The following PHACTR1 variants were observed in gnomAD, a reference collection of about 807,000 sequenced individuals.
The protein encoded by PHACTR1 is phosphatase and actin regulator 1.
Under a neutral mutation model 69.2 loss-of-function variants are expected in PHACTR1, and 16 were observed. That is an observed-to-expected ratio of 0.23 (90% CI 0.16 to 0.35). The LOEUF is 0.35. Ranked by LOEUF, PHACTR1 falls within the 10% of genes least tolerant of loss-of-function variation. The pLI is 1.00. For missense variants in PHACTR1, 510 were observed against 734.7 expected (o/e 0.69, Z 3.54); for synonymous variants, 312 against 284.5 (o/e 1.10, Z -0.97).
chr6:13,055,423 CAG>C, intron 5 of PHACTR1, among the ~76,000 whole-genome samples: 1 of 152,014 alleles, frequency 6.6e-6, no homozygotes, highest in South Asian at 2.1e-4. Flanking sequence ...GTCATTGTCT[CAG>C]AGAGAAGAAA....
chr6:12,882,422 A>G (rs1432050136), intron 4 of PHACTR1, among the ~76,000 whole-genome samples: 1 of 152,186 alleles, frequency 6.6e-6, no homozygotes, highest in Admixed American at 6.5e-5. Context: ...GTGGCAATTT[A>G]TCTCATTACC....
intron 3 of PHACTR1, among the ~76,000 whole-genome samples, chr6:12,744,309 C>T (rs1358265816): frequency 1.3e-5 from 2 of 152,188 alleles, no homozygotes; most frequent in African/African-American, 4.8e-5. Context: ...AAAGCAGATT[C>T]TCATTGCACT....
intron 10 of PHACTR1, among the ~76,000 whole-genome samples, chr6:13,252,337 A>C (rs1401874354): frequency 1.3e-5 from 2 of 151,600 alleles, no homozygotes; most frequent in Non-Finnish European, 2.9e-5. Flanking sequence ...CAAAAAAAAA[A>C]AAAAAAGAAA....
intron 4 of PHACTR1, among the ~76,000 whole-genome samples, chr6:13,022,590 A>G (rs1801126444): frequency 6.6e-6 from 1 of 152,118 alleles, no homozygotes; most frequent in Admixed American, 6.5e-5. Context: ...TCAAGTTACA[A>G]CTGCAGACTT....
chr6:12,809,652 A>C (rs1398510652), intron 4 of PHACTR1, among the ~76,000 whole-genome samples: 1 of 152,158 alleles, frequency 6.6e-6, no homozygotes, highest in Non-Finnish European at 1.5e-5. Context: ...ACTTCTAGGG[A>C]ATATTATGCC....
intron 4 of PHACTR1, among the ~76,000 whole-genome samples, chr6:12,793,637 G>A (rs1045012974): frequency 2.4e-4 from 37 of 152,162 alleles, no homozygotes; most frequent in African/African-American, 7.5e-4. Flanking sequence ...AAAAGTTAGT[G>A]GTAGAATTTA....
chr6:13,089,453 A>G (rs73368196), intron 5 of PHACTR1, among the ~76,000 whole-genome samples: 19,381 of 152,072 alleles, frequency 0.13, 4,081 homozygotes, highest in African/African-American at 0.44. Flanking sequence ...CTTGGGTCTC[A>G]GTGTGCAGCC....
chr6:12,726,215 G>A (rs968688701), intron 3 of PHACTR1, among the ~76,000 whole-genome samples: 1 of 152,138 alleles, frequency 6.6e-6, no homozygotes. Flanking sequence ...TAGACTTCCA[G>A]GGATCCCTGA....
rs140440813 is a variant in PHACTR1 at position 13,121,758 on chromosome 6, C to G, written c.416-38446C>G. ...CAGGAAGACACATCGATGTCTCTTT[C>G]AATCTAGACAGGGCCTCGCCCAGGG... On this transcript the variant is annotated intron_variant, in intron 5 of 14. Transcript: ENST00000332995. 3.5e-3 allele frequency among the ~76,000 whole-genome samples: 539 copies of G among 152,286 alleles called. 2 individuals carry two copies. Among genetic ancestry groups the G allele is most frequent in the South Asian group, 1.0e-2 (48 of 4,824 alleles).
chr6:13,119,734 A>G (rs1818418250), intron 5 of PHACTR1, among the ~76,000 whole-genome samples: 2 of 152,184 alleles, frequency 1.3e-5, no homozygotes, highest in Admixed American at 6.5e-5. Context: ...CTAAAGCTTT[A>G]GCACCTGGGG....
intron 4 of PHACTR1, among the ~76,000 whole-genome samples, chr6:12,970,640 C>T (rs1794087531): frequency 6.6e-6 from 1 of 152,144 alleles, no homozygotes; most frequent in Non-Finnish European, 1.5e-5. Flanking sequence ...CCTGTAGTCC[C>T]AGCTACTCAG....
intron 6 of PHACTR1, among the ~76,000 whole-genome samples, chr6:13,164,773 T>A (rs1225622840): frequency 6.6e-6 from 1 of 152,214 alleles, no homozygotes. Flanking sequence ...CTCTGACAGT[T>A]CTCAAAATTC....
intron 3 of PHACTR1, among the ~76,000 whole-genome samples, chr6:12,745,289 C>A (rs1765632514): frequency 6.6e-6 from 1 of 152,054 alleles, no homozygotes; most frequent in Non-Finnish European, 1.5e-5. Context: ...GGCTGTAGTT[C>A]TGGATATAAC....
At chr6:12,740,201 C>T (rs1158151648) in intron 3 of PHACTR1, among the ~76,000 whole-genome samples, 3 of 151,722 alleles carry the variant, frequency 2.0e-5, no homozygotes, top group Admixed American at 6.6e-5. Context: ...GAAGACATTA[C>T]AATTATGTTT....
intron 4 of PHACTR1, among the ~76,000 whole-genome samples, chr6:12,907,996 C>G (rs1469371915): frequency 1.3e-5 from 2 of 152,220 alleles, no homozygotes; most frequent in Non-Finnish European, 2.9e-5. Context: ...CTATGTGATT[C>G]TTGAATAATT....
intron 12 of PHACTR1, chr6:13,281,085 C>A (rs773685800): frequency 7.8e-7 from 1 of 1,289,606 alleles, no homozygotes; most frequent in East Asian, 5.5e-5. Flanking sequence ...TCCAAGGCCC[C>A]GCGATGTTCA....
At chr6:12,749,157 TGAA>T (rs1766196200) in intron 3 of PHACTR1, among the ~76,000 whole-genome samples, 1 of 152,170 alleles carries the variant, frequency 6.6e-6, no homozygotes, top group South Asian at 2.1e-4. Flanking sequence ...AGCCTGTGGG[TGAA>T]GGAGACCGTA....
chr6:13,008,262 A>G (rs1345333007), intron 4 of PHACTR1, among the ~76,000 whole-genome samples: 1 of 152,244 alleles, frequency 6.6e-6, no homozygotes, highest in African/African-American at 2.4e-5. Flanking sequence ...TTGCGGGGCA[A>G]TCAAAGCTTG....
chr6:12,801,600 A>G (rs1013445725), intron 4 of PHACTR1, among the ~76,000 whole-genome samples: 2 of 152,216 alleles, frequency 1.3e-5, no homozygotes, highest in African/African-American at 4.8e-5. Context: ...GAAGGAGCTA[A>G]GAAGTCTGTA....
Sources: gnomAD v4.1 joint callset for allele counts (sites outside exome capture counted in the v4.1 genomes callset) on GRCh38, gnomAD v4.1.1 for gene constraint, MANE v1.5 for transcripts, NCBI Gene and HGNC (gene_info 2026-07-23, HGNC 2026-07-21) for gene names.